Variants in GUCY1A2 observed in about 807,000 individuals in gnomAD.
GUCY1A2 encodes the protein guanylate cyclase 1 soluble subunit alpha 2, also known as guanylate cyclase soluble subunit alpha-2.
In GUCY1A2, 27 loss-of-function variants were observed where a neutral mutation model predicts 63.5. The ratio of observed to expected loss-of-function variants is 0.43; its 90% CI spans 0.31 to 0.59. The LOEUF (loss-of-function observed/expected upper bound fraction) is 0.59. Among genes scored for constraint, GUCY1A2 ranks in the 20% least tolerant of loss-of-function variants. The pLI, the probability that GUCY1A2 is intolerant of heterozygous loss-of-function variation, is 0.11. For synonymous variants in GUCY1A2, 364 were observed against 343.5 expected (o/e 1.06, Z -0.66); for missense variants, 768 against 913.3 (o/e 0.84, Z 2.05).
Position 106,841,868 on chromosome 11 carries a change from C to G in GUCY1A2, c.1207-31390G>C, listed in dbSNP as rs1363479137. The stretch of plus-strand genomic sequence containing the variant: ...TTCCATTAGAATTTTACTTTACTAC[C>G]TTTTTTTTCCTATTTACAAATCCAA... On this transcript the variant is annotated intron_variant, in intron 4 of 7. Coordinates refer to ENST00000526355, the MANE Select transcript of GUCY1A2 (RefSeq NM_000855.3). 4.0e-5 allele frequency among the ~76,000 whole-genome samples: 6 copies of G among 151,792 alleles called. No individual in the cohort carries two copies. The East Asian group carries it at 1.2e-3, about 29-fold the overall frequency.
chr11:106,741,879 ATTAC>A (rs1863700619), intron 6 of GUCY1A2, among the ~76,000 whole-genome samples: 1 of 152,194 alleles, frequency 6.6e-6, no homozygotes, highest in Admixed American at 6.5e-5. Context: ...AATCTAGATA[ATTAC>A]TTCATGAATT....
intron 6 of GUCY1A2, among the ~76,000 whole-genome samples, chr11:106,758,048 C>T (rs1006578261): frequency 6.6e-6 from 1 of 152,196 alleles, no homozygotes; most frequent in African/African-American, 2.4e-5. Context: ...ATATGCCCTG[C>T]CCACAGAGGT....
intron 1 of GUCY1A2, 35 bp downstream of exon 1, chr11:107,017,718 C>T (rs781426071): frequency 7.9e-7 from 1 of 1,267,092 alleles, no homozygotes; most frequent in Admixed American, 3.1e-5. Context: ...CGTTCTCTCC[C>T]CCGAAGGCGG....
chr11:106,972,884 C>A (rs1861213858), intron 3 of GUCY1A2, among the ~76,000 whole-genome samples: 1 of 152,048 alleles, frequency 6.6e-6, no homozygotes, highest in Non-Finnish European at 1.5e-5. Context: ...ATTCACACTT[C>A]TAAACAAAAG....
intron 4 of GUCY1A2, among the ~76,000 whole-genome samples, chr11:106,923,075 G>A (rs1860470983): frequency 6.6e-6 from 1 of 152,120 alleles, no homozygotes; most frequent in Non-Finnish European, 1.5e-5. Context: ...ACTAGGAAAT[G>A]ATTTCATTAG....
chr11:106,903,576 T>G (rs1860163344), intron 4 of GUCY1A2, among the ~76,000 whole-genome samples: 1 of 152,188 alleles, frequency 6.6e-6, no homozygotes, highest in South Asian at 2.1e-4. Context: ...AGCTGGGGTT[T>G]TTTAAAATGA....
chr11:106,685,716 A>T lies in GUCY1A2; in HGVS notation c.*1833T>A. On this transcript the variant is annotated 3_prime_UTR_variant, in exon 8 of 8. Transcript: ENST00000526355. ...GCTCATACTGGCTGTAAACCTCCCCATTGTCCAGAAACACAGGCCCACAGA... is the reference window on the plus strand; with the variant it reads ...GCTCATACTGGCTGTAAACCTCCCCTTTGTCCAGAAACACAGGCCCACAGA... The T allele has an allele frequency of 4.4e-6, 1 of 227,178 alleles. No homozygotes were observed. Among genetic ancestry groups the T allele is most frequent in the Non-Finnish European group, 8.8e-6 (1 of 114,186 alleles). 14.1% of individuals were successfully genotyped at this position (227,178 alleles called of 1,614,324 possible).
At chr11:106,776,135 T>C (rs1284406800) in intron 6 of GUCY1A2, among the ~76,000 whole-genome samples, 1 of 152,188 alleles carries the variant, frequency 6.6e-6, no homozygotes, top group Non-Finnish European at 1.5e-5. Context: ...AATCTCATCA[T>C]CATCATTCTT....
At chr11:106,794,309 A>G (rs1373229191) in intron 5 of GUCY1A2, among the ~76,000 whole-genome samples, 4 of 152,142 alleles carry the variant, frequency 2.6e-5, no homozygotes, top group Non-Finnish European at 5.9e-5. Flanking sequence ...TCTCATATGA[A>G]CAGAGAGTAG....
At chr11:106,863,862 T>C (rs1053815104) in intron 4 of GUCY1A2, among the ~76,000 whole-genome samples, 4 of 152,190 alleles carry the variant, frequency 2.6e-5, no homozygotes, top group Admixed American at 2.0e-4. Context: ...GCCTTGTAAG[T>C]TGTATTCCTG....
chr11:106,993,855 T>C (rs528470863), intron 1 of GUCY1A2, among the ~76,000 whole-genome samples: 2 of 152,172 alleles, frequency 1.3e-5, no homozygotes, highest in Non-Finnish European at 2.9e-5. Context: ...AGCAGCTTTA[T>C]AGGAAGGTAG....
Position 106,798,783 on chromosome 11 carries a change from T to C in GUCY1A2, c.1692+11210A>G, listed in dbSNP as rs1864814809. 3.9e-5 allele frequency among the ~76,000 whole-genome samples: 6 copies of C among 151,934 alleles called. No homozygotes were observed. In the South Asian group the frequency reaches 1.0e-3, roughly 26 times the overall value. On this transcript the variant is annotated intron_variant, in intron 5 of 7. Coordinates refer to ENST00000526355, the MANE Select transcript of GUCY1A2 (RefSeq NM_000855.3). ...CGTATCTCAAAATAATAAGAGCTAT[T>C]TATGACAAACCCACAGCCAATATCA...
At chr11:106,726,628 G>A (rs1405351205) in intron 6 of GUCY1A2, among the ~76,000 whole-genome samples, 1 of 152,106 alleles carries the variant, frequency 6.6e-6, no homozygotes, top group Non-Finnish European at 1.5e-5. Context: ...TAATGGTAAT[G>A]GAAAGAAGGA....
At chr11:106,989,141 A>G (rs368016102) in intron 1 of GUCY1A2, among the ~76,000 whole-genome samples, 7 of 152,310 alleles carry the variant, frequency 4.6e-5, no homozygotes, top group South Asian at 2.1e-4. Context: ...ACTGGCTCCT[A>G]CTTAAGAGAA....
At chr11:106,948,929 T>A (rs1860866868) in intron 3 of GUCY1A2, among the ~76,000 whole-genome samples, 1 of 152,118 alleles carries the variant, frequency 6.6e-6, no homozygotes, top group African/African-American at 2.4e-5. Flanking sequence ...AAGCAATAAA[T>A]ATTTTAGAAG....
intron 6 of GUCY1A2, 97 bp from the exon 7 acceptor site, chr11:106,708,763 A>AAT: frequency 2.8e-6 from 2 of 705,504 alleles, no homozygotes; most frequent in Non-Finnish European, 4.2e-6. Context: ...TAATAATAAT[A>AAT]AAAAAAAACT....
chr11:106,785,754 T>C (rs113820817), intron 5 of GUCY1A2, among the ~76,000 whole-genome samples: 1,937 of 152,288 alleles, frequency 0.013, 24 homozygotes, highest in South Asian at 0.048. Flanking sequence ...AATCAAAATA[T>C]GGATATAAGG....
chr11:106,870,282 C>T (rs1859659423), intron 4 of GUCY1A2, among the ~76,000 whole-genome samples: 1 of 151,858 alleles, frequency 6.6e-6, no homozygotes. Flanking sequence ...AAAAAAACTA[C>T]ACCATAGCAG....
At chr11:106,771,947 T>C (rs1365452551) in intron 6 of GUCY1A2, among the ~76,000 whole-genome samples, 2 of 152,164 alleles carry the variant, frequency 1.3e-5, no homozygotes, top group East Asian at 3.9e-4. Flanking sequence ...ATGTATTGTA[T>C]AGATAGACCA....
Sources: gnomAD v4.1 joint callset for allele counts (sites outside exome capture counted in the v4.1 genomes callset) on GRCh38, gnomAD v4.1.1 for gene constraint, MANE v1.5 for transcripts, NCBI Gene and HGNC (gene_info 2026-07-23, HGNC 2026-07-21) for gene names.